GABBR2: variants seen among roughly 807,000 people sequenced by gnomAD.
GABBR2 encodes gamma-aminobutyric acid type B receptor subunit 2.
A neutral mutation model predicts 105.6 loss-of-function variants in GABBR2; 23 were observed. That is an observed-to-expected ratio of 0.22 (90% CI 0.16 to 0.31). The LOEUF (loss-of-function observed/expected upper bound fraction) is 0.31, where lower values mean the gene tolerates loss of function less well. GABBR2 is among the 10% of genes least tolerant of loss of function. The probability of loss-of-function intolerance (pLI) is 1.00; values close to 1 mark genes in which losing one functional copy is unlikely to be tolerated. For synonymous variants in GABBR2, 478 were observed against 499.7 expected, an observed-to-expected ratio of 0.96 and a Z score of 0.58; for missense variants, 734 against 1,245.5, an observed-to-expected ratio of 0.59 and a Z score of 6.18.
chr9:98,454,068 C>T lies in GABBR2; in HGVS notation c.1149G>A (p.Gln383=). 1 of 1,614,224 alleles carries T rather than the reference C, an allele frequency of 6.2e-7. No homozygotes were observed. The change falls in exon 7 of 19, where the codon CAG becomes CAA. Residue 383 remains glutamine (Q), a synonymous_variant. Transcript: ENST00000259455. This position sits in a 1 kb window ranked among gnomAD's most constrained non-coding sequence, Gnocchi z 4.6. ...CCGTGTAGTTGAAGTCCTGGATCCG[C>T]TGGTGCCGGCTGCTGGCATGCAGTG... is the stretch of plus-strand genomic sequence containing the variant. ...METLHASSRH[Q]RIQDFNYTDH...
chr9:98,708,029 TGTTCCTCCCACTC>T, intron 1 of GABBR2, among the ~76,000 whole-genome samples: 1 of 152,194 alleles, frequency 6.6e-6, no homozygotes, highest in African/African-American at 2.4e-5. Flanking sequence ...TCAATGCGCC[TGTTCCTCCCACTC>T]GGTACCTCGC....
In GABBR2 at chr9:98,290,555, G is replaced by A. The variant is rs377339934; in HGVS notation, c.*29C>T. 1.2e-4 allele frequency: 155 copies of A among 1,343,744 alleles called. No homozygotes were observed. In the South Asian group the frequency reaches 3.3e-3, roughly 29 times the overall value. 83.2% of individuals were successfully genotyped at this position (1,343,744 alleles called of 1,614,324 possible). A position where few individuals can be genotyped will look rare whatever the true frequency, so the allele number is the denominator to read the frequency against. On this transcript the variant is annotated 3_prime_UTR_variant, in exon 19 of 19. Coordinates refer to ENST00000259455, the MANE Select transcript of GABBR2 (RefSeq NM_005458.8). ...TCTGCCCAGTGTGGTTCTGTCACGGGGGAGGCCCCGGGCCCAGGCCTCCCA... is the reference window on the plus strand; with the variant it reads ...TCTGCCCAGTGTGGTTCTGTCACGGAGGAGGCCCCGGGCCCAGGCCTCCCA...
chr9:98,687,594 T>C (rs1830635435), intron 1 of GABBR2, among the ~76,000 whole-genome samples: 2 of 152,070 alleles, frequency 1.3e-5, no homozygotes, highest in Non-Finnish European at 2.9e-5. Context: ...GGATCTGCTG[T>C]TTCCTGCCTG....
At chr9:98,609,181 C>A (rs1263718582) in intron 1 of GABBR2, among the ~76,000 whole-genome samples, 1 of 152,162 alleles carries the variant, frequency 6.6e-6, no homozygotes, top group African/African-American at 2.4e-5. Context: ...AGAATCTCTG[C>A]AATTGACATA....
chr9:98,648,116 T>TGTGGATAGATAGATAGATAG, intron 1 of GABBR2, among the ~76,000 whole-genome samples: 1 of 55,948 alleles, frequency 1.8e-5, no homozygotes, highest in Non-Finnish European at 3.4e-5. Context: ...TGTGTGTGTG[T>TGTGGATAGATAGATAGATAG]ATAGATAGAT....
At chr9:98,319,779 C>T (rs932400746) in intron 13 of GABBR2, among the ~76,000 whole-genome samples, 3 of 152,176 alleles carry the variant, frequency 2.0e-5, no homozygotes, top group Non-Finnish European at 4.4e-5. Context: ...GAACTAGCAG[C>T]TGTTTTGGCA....
At chr9:98,500,098 A>G (rs1827370180) in intron 3 of GABBR2, among the ~76,000 whole-genome samples, 1 of 152,238 alleles carries the variant, frequency 6.6e-6, no homozygotes, top group African/African-American at 2.4e-5. Context: ...AAAAAACTGG[A>G]GCCAATATCT....
At chr9:98,660,105 G>A (rs184423460) in intron 1 of GABBR2, among the ~76,000 whole-genome samples, 230 of 152,166 alleles carry the variant, frequency 1.5e-3, no homozygotes, top group African/African-American at 5.3e-3. Flanking sequence ...AGAAAACACT[G>A]TATAAATATT....
At chr9:98,536,569 C>A (rs1158922655) in intron 3 of GABBR2, among the ~76,000 whole-genome samples, 1 of 152,108 alleles carries the variant, frequency 6.6e-6, no homozygotes, top group African/African-American at 2.4e-5. Flanking sequence ...CCCTCCTGGG[C>A]CCGCAGTGCC....
At position 98,648,032 on chromosome 9, in the gene GABBR2, T is replaced by C. The variant is rs957404930; in HGVS notation, c.321+60385A>G. On this transcript the variant is annotated intron_variant, in intron 1 of 18. Transcript: ENST00000259455. ...GCCAACAGTCATGGCCCCTGAGAAG[T>C]GGACTCTTCATTAAGTCCCCTTCCC... Among the ~76,000 whole-genome samples the C allele has an allele frequency of 1.2e-4, 18 of 150,606 alleles. No individual in the cohort carries two copies. In the East Asian group the frequency reaches 2.7e-3, roughly 23 times the overall value.
chr9:98,362,856 C>A lies in GABBR2; in HGVS notation c.1771-19G>T. The A allele has an allele frequency of 5.9e-6, 9 of 1,531,104 alleles. No individual in the cohort carries two copies. The highest frequency in any genetic ancestry group is 1.3e-5 in the South Asian group (1 of 75,562). 94.8% of individuals were successfully genotyped at this position (1,531,104 alleles called of 1,614,324 possible). ...TGATGATCTACAGAGCGGGAAGGAG[C>A]AGAGGGGAGCCGATGTGAGAGACAG... On this transcript the variant is annotated intron_variant, in intron 12 of 18. Coordinates refer to ENST00000259455, the MANE Select transcript of GABBR2 (RefSeq NM_005458.8).
At chr9:98,596,800 C>G (rs562476537) in intron 1 of GABBR2, among the ~76,000 whole-genome samples, 1 of 152,232 alleles carries the variant, frequency 6.6e-6, no homozygotes, top group Admixed American at 6.5e-5. Context: ...GGGGCAGAGT[C>G]ACAGATTCTG....
intron 1 of GABBR2, among the ~76,000 whole-genome samples, chr9:98,600,718 C>T (rs1358096595): frequency 3.3e-5 from 5 of 152,362 alleles, no homozygotes; most frequent in East Asian, 3.9e-4. Context: ...TCCAAGACTC[C>T]ATCGTTGCGT....
At chr9:98,303,502 A>G in intron 15 of GABBR2, 79 bp from the exon 16 acceptor site, 4 of 1,279,008 alleles carry the variant, frequency 3.1e-6, no homozygotes, top group Non-Finnish European at 4.5e-6. Context: ...AGACTCTCCC[A>G]GCAGATCCTG....
intron 12 of GABBR2, among the ~76,000 whole-genome samples, chr9:98,364,999 C>T (rs1240686914): frequency 1.3e-5 from 2 of 152,186 alleles, no homozygotes; most frequent in Non-Finnish European, 2.9e-5. Flanking sequence ...CAATCACTTC[C>T]TTGCTCTCAT....
intron 8 of GABBR2, among the ~76,000 whole-genome samples, chr9:98,400,722 T>G (rs1462536443): frequency 6.6e-6 from 1 of 152,044 alleles, no homozygotes; most frequent in African/African-American, 2.4e-5. Flanking sequence ...CCCAGGACCA[T>G]GGAGATGTCT....
chr9:98,564,108 G>C (rs913942174), intron 2 of GABBR2, among the ~76,000 whole-genome samples: 2 of 152,200 alleles, frequency 1.3e-5, no homozygotes, highest in Non-Finnish European at 2.9e-5. Flanking sequence ...GTGGGTGTGT[G>C]GGGGTCATGA....
At chr9:98,530,276 T>C (rs1659836856) in intron 3 of GABBR2, among the ~76,000 whole-genome samples, 11 of 152,196 alleles carry the variant, frequency 7.2e-5, no homozygotes, top group Admixed American at 7.2e-4. Context: ...AGAGGTCCCC[T>C]TGAGACATGG....
chr9:98,706,145 G>A (rs1830891603), intron 1 of GABBR2, among the ~76,000 whole-genome samples: 1 of 150,770 alleles, frequency 6.6e-6, no homozygotes, highest in Non-Finnish European at 1.5e-5. Context: ...AGGAGGAGGG[G>A]AGGCAGCAGG....
Sources: gnomAD v4.1 joint callset for allele counts (sites outside exome capture counted in the v4.1 genomes callset) on GRCh38, gnomAD v4.1.1 for gene constraint, Gnocchi (gnomAD v3.1) non-coding constraint, MANE v1.5 for transcripts, NCBI Gene and HGNC (gene_info 2026-07-23, HGNC 2026-07-21) for gene names.